Variants in CAPN8 observed in about 807,000 individuals in gnomAD.
CAPN8 encodes the protein calpain 8.
In CAPN8, 87 loss-of-function variants were observed where a neutral mutation model predicts 80.9. That is an observed-to-expected ratio of 1.07 (90% confidence interval 0.90 to 1.28). The LOEUF is 1.28. Ranked by LOEUF, CAPN8 falls within the 50% of genes most tolerant of loss-of-function variation. The probability of loss-of-function intolerance (pLI) is 0.00; values close to 1 mark genes in which losing one functional copy is unlikely to be tolerated. For synonymous variants in CAPN8, 299 were observed against 273.8 expected (o/e 1.09, Z -0.91); for missense variants, 757 against 702.0 (o/e 1.08, Z -0.89).
intron 1 of CAPN8, among the ~76,000 whole-genome samples, chr1:223,654,842 A>ATTTTTTTTTTTTTT (rs35365292): frequency 9.8e-5 from 11 of 111,712 alleles, no homozygotes; most frequent in East Asian, 2.6e-4. Context: ...CACCCGGCTA[A>ATTTTTTTTTTTTTT]TTTTTTTTTT....
intron 13 of CAPN8, among the ~76,000 whole-genome samples, chr1:223,555,883 A>T (rs901364060): frequency 1.3e-5 from 2 of 152,206 alleles, no homozygotes; most frequent in Non-Finnish European, 2.9e-5. Flanking sequence ...CATGTTGGGA[A>T]CTGTTCAGAA....
Position 223,656,691 on chromosome 1 carries a change from T to G in CAPN8, c.238-2292A>C, listed in dbSNP as rs1383730785. ...GGGTTTTTTTGTTTTGTTTTTTTTTTTTTTTTTTTTGAGACGGGGTCTCGC... is the reference window on the plus strand; with the variant it reads ...GGGTTTTTTTGTTTTGTTTTTTTTTGTTTTTTTTTTGAGACGGGGTCTCGC... On this transcript the variant is annotated intron_variant, in intron 1 of 20. Coordinates refer to ENST00000366872, the MANE Select transcript of CAPN8 (RefSeq NM_001143962.2). 3.7e-3 allele frequency among the ~76,000 whole-genome samples: 527 copies of G among 144,174 alleles called. 6 individuals are homozygous for G. The highest frequency in any genetic ancestry group is 4.9e-3 in the Non-Finnish European group (319 of 65,314). 94.6% of individuals were successfully genotyped at this position (144,174 alleles called of 152,430 possible).
At chr1:223,615,524 T>A (rs139540290) in intron 10 of CAPN8, among the ~76,000 whole-genome samples, 2 of 152,184 alleles carry the variant, frequency 1.3e-5, no homozygotes, top group African/African-American at 4.8e-5. Context: ...ATGCCCTGTG[T>A]GCTCCAAGTG....
chr1:223,659,898 C>T (rs186694929), intron 1 of CAPN8, among the ~76,000 whole-genome samples: 1 of 152,198 alleles, frequency 6.6e-6, no homozygotes, highest in Admixed American at 6.5e-5. Flanking sequence ...AGCTCATGCT[C>T]TTAACCACTC....
chr1:223,623,268 T>C (rs1025467431), intron 6 of CAPN8, among the ~76,000 whole-genome samples: 6 of 152,198 alleles, frequency 3.9e-5, no homozygotes, highest in African/African-American at 1.4e-4. Context: ...AGTTAACATT[T>C]ATCGAGCAGG....
intron 2 of CAPN8, among the ~76,000 whole-genome samples, chr1:223,646,577 T>G (rs1423970679): frequency 6.6e-6 from 1 of 152,242 alleles, no homozygotes; most frequent in Admixed American, 6.5e-5. Flanking sequence ...ACTGGGACAT[T>G]GCATTACTGA....
At chr1:223,649,170 T>C (rs1304007602) in intron 2 of CAPN8, among the ~76,000 whole-genome samples, 1 of 152,242 alleles carries the variant, frequency 6.6e-6, no homozygotes, top group Non-Finnish European at 1.5e-5. Context: ...TTTTATACAG[T>C]AGCATCGCTC....
chr1:223,547,601 G>T (rs565268043), intron 16 of CAPN8, among the ~76,000 whole-genome samples: 15 of 152,290 alleles, frequency 9.8e-5, no homozygotes, highest in African/African-American at 3.1e-4. Context: ...AAATGAGTAC[G>T]CTGTATGGTG....
At position 223,544,067 on chromosome 1, in the gene CAPN8, T is replaced by C; in HGVS notation, c.2029A>G (p.Lys677Glu). The part of the protein sequence containing the change: ...ACMIRLETLF[K>E]LFSLLDEDKD... ...GGGGCTGGAGGACAGAGTGACTCACTGAAGAGGGTCTCCAGGCGGATCATA... is the reference window on the plus strand; with the variant it reads ...GGGGCTGGAGGACAGAGTGACTCACCGAAGAGGGTCTCCAGGCGGATCATA... The change falls in exon 19 of 21, where the codon AAA (lysine) becomes GAA (glutamate). Residue 677 changes from lysine to glutamate, a missense_variant and splice_region_variant. By Grantham distance (56) the Lys-to-Glu change is moderately conservative (BLOSUM62 1). Transcript: ENST00000366872. 2.8e-6 allele frequency: 2 copies of C among 717,972 alleles called. No homozygotes were observed. The highest frequency in any genetic ancestry group is 2.3e-4 in the Middle Eastern group (1 of 4,372). The allele number at this position is 717,972 out of a possible 1,614,324, so 44.5% of individuals were successfully genotyped here. A position where few individuals can be genotyped will look rare whatever the true frequency, so the allele number is the denominator to read the frequency against.
intron 2 of CAPN8, among the ~76,000 whole-genome samples, chr1:223,638,789 T>A (rs10915972): frequency 0.18 from 27,040 of 152,132 alleles, 3,014 homozygotes; most frequent in East Asian, 0.29. Context: ...CCCTGCTCTG[T>A]CCTAATCCAT....
chr1:223,632,593 C>A (rs1013938780), intron 2 of CAPN8, among the ~76,000 whole-genome samples: 3 of 152,156 alleles, frequency 2.0e-5, no homozygotes, highest in Admixed American at 6.5e-5. Context: ...TGATCCTGAA[C>A]TCCTGGCCTC....
At position 223,628,737 on chromosome 1, in the gene CAPN8, A is replaced by C; in HGVS notation, c.351T>G (p.Asn117Lys). Residue 117 changes from asparagine (N) to lysine (K), a missense_variant, in exon 3 of 21, where the codon AAT becomes AAG. By Grantham distance (94) the Asn-to-Lys change is moderately conservative (BLOSUM62 0). Coordinates refer to ENST00000366872, the MANE Select transcript of CAPN8 (RefSeq NM_001143962.2). ...LLAAIASLTL[N>K]EELLYRVVPR... ...GGACCACCCGGTAAAGCAGCTCTTC[A>C]TTCAGGGTCAGGGAGGCAATGGCAG... The C allele has an allele frequency of 1.3e-6, 2 of 1,553,342 alleles. No individual in the cohort carries two copies. The highest frequency in any genetic ancestry group is 1.7e-6 in the Non-Finnish European group (2 of 1,148,020).
At chr1:223,544,045 G>T in intron 19 of CAPN8, 22 bp downstream of exon 19, 1 of 717,140 alleles carries the variant, frequency 1.4e-6, no homozygotes, top group African/African-American at 1.7e-5. Flanking sequence ...ATAGGATGGG[G>T]CTGGAGGACA....
At chr1:223,663,093 G>A (rs1320577849) in intron 1 of CAPN8, among the ~76,000 whole-genome samples, 4 of 152,098 alleles carry the variant, frequency 2.6e-5, no homozygotes, top group African/African-American at 4.8e-5. Flanking sequence ...TGCACCTTCC[G>A]CATTACTCAG....
intron 11 of CAPN8, 150 bp downstream of exon 11, chr1:223,612,096 A>T: frequency 1.8e-6 from 1 of 543,160 alleles, no homozygotes; most frequent in Non-Finnish European, 2.8e-6. Flanking sequence ...CTACCAGCCT[A>T]CTCATGTGGT....
At chr1:223,549,704 T>C (rs1656733065) in intron 15 of CAPN8, 1 of 475,058 alleles carries the variant, frequency 2.1e-6, no homozygotes, top group Non-Finnish European at 3.9e-6. Flanking sequence ...ATAATCATGA[T>C]AGTAACAATG....
chr1:223,552,442 C>T (rs373846731), intron 14 of CAPN8, among the ~76,000 whole-genome samples: 2 of 151,556 alleles, frequency 1.3e-5, no homozygotes, highest in South Asian at 4.2e-4. Flanking sequence ...CTGGCATCTG[C>T]AGTCCCAGCT....
chr1:223,622,992 T>G (rs924187696), intron 6 of CAPN8, 92 bp from the exon 7 acceptor site: 7 of 1,035,022 alleles, frequency 6.8e-6, no homozygotes, highest in Non-Finnish European at 8.7e-6. Context: ...GCATTAAATT[T>G]TTCAAATGTC....
At chr1:223,550,665 C>T (rs1484169725) in intron 15 of CAPN8, among the ~76,000 whole-genome samples, 1 of 152,142 alleles carries the variant, frequency 6.6e-6, no homozygotes, top group Non-Finnish European at 1.5e-5. Context: ...CAGCCCAGCT[C>T]TTTTTCTCCT....
Sources: allele counts gnomAD v4.1 joint callset (sites outside exome capture counted in the v4.1 genomes callset), GRCh38; gene constraint gnomAD v4.1.1; transcripts MANE v1.5; gene names NCBI Gene and HGNC (gene_info 2026-07-23, HGNC 2026-07-21).